Variants in MARCHF4 observed in about 807,000 individuals in gnomAD.
MARCHF4 encodes the protein E3 ubiquitin-protein ligase MARCHF4.
Under a neutral mutation model 43.9 loss-of-function variants are expected in MARCHF4, and 14 were observed. That is an observed-to-expected ratio of 0.32 (90% CI 0.21 to 0.50). The LOEUF is 0.50. MARCHF4 is among the 20% of genes least tolerant of loss of function. MARCHF4 has a pLI of 0.98. For synonymous variants in MARCHF4, 226 were observed against 213.3 expected (o/e 1.06, Z -0.52); for missense variants, 468 against 536.7 (o/e 0.87, Z 1.27).
At chr2:216,291,662 A>T (rs13033033) in intron 1 of MARCHF4, among the ~76,000 whole-genome samples, 12,565 of 152,164 alleles carry the variant, frequency 0.083, 591 homozygotes, top group Middle Eastern at 0.099. Context: ...CTTCTCACCC[A>T]CTTCAAATGT....
intron 1 of MARCHF4, among the ~76,000 whole-genome samples, chr2:216,305,886 G>A (rs986987751): frequency 2.6e-5 from 4 of 152,134 alleles, no homozygotes; most frequent in Admixed American, 6.5e-5. Context: ...GCATAAGGAC[G>A]GCACACATCT....
chr2:216,365,993 C>T (rs928454635), intron 1 of MARCHF4, among the ~76,000 whole-genome samples: 1 of 152,212 alleles, frequency 6.6e-6, no homozygotes, highest in Non-Finnish European at 1.5e-5. Context: ...AAGAAACAGT[C>T]CACATCCATG....
intron 3 of MARCHF4, among the ~76,000 whole-genome samples, chr2:216,263,831 T>C (rs1690799269): frequency 6.6e-6 from 1 of 151,994 alleles, no homozygotes; most frequent in Admixed American, 6.6e-5. Flanking sequence ...TGATGGACCA[T>C]GAAGTGCAGG....
At chr2:216,361,446 C>G (rs1158108151) in intron 1 of MARCHF4, among the ~76,000 whole-genome samples, 1 of 152,194 alleles carries the variant, frequency 6.6e-6, no homozygotes. Flanking sequence ...ACTGTTTCCT[C>G]TGCAACTTCT....
chr2:216,364,908 T>C (rs181324327), intron 1 of MARCHF4, among the ~76,000 whole-genome samples: 1 of 152,238 alleles, frequency 6.6e-6, no homozygotes, highest in African/African-American at 2.4e-5. Context: ...GAAAGGAGGA[T>C]AAAATATATT....
intron 1 of MARCHF4, among the ~76,000 whole-genome samples, chr2:216,366,483 G>C (rs538143544): frequency 1.1e-4 from 16 of 152,286 alleles, no homozygotes; most frequent in African/African-American, 3.1e-4. Flanking sequence ...GGTTCTCAAA[G>C]CAAGTGTTCA....
intron 3 of MARCHF4, among the ~76,000 whole-genome samples, chr2:216,273,450 G>T (rs1385318708): frequency 6.6e-6 from 1 of 152,148 alleles, no homozygotes; most frequent in African/African-American, 2.4e-5. Context: ...TTTATCTCAG[G>T]TGCTGAATTG....
At chr2:216,308,805 C>G (rs896784278) in intron 1 of MARCHF4, among the ~76,000 whole-genome samples, 1 of 152,242 alleles carries the variant, frequency 6.6e-6, no homozygotes, top group African/African-American at 2.4e-5. Context: ...CCATAGCCAG[C>G]TGTGAATCCT....
chr2:216,259,236 G>A lies in MARCHF4; in HGVS notation c.*76C>T, dbSNP rs547135639. The A allele has an allele frequency of 2.8e-5, 41 of 1,488,644 alleles. 1 individual carries two copies. The African/African-American group carries it at 4.1e-4, about 15-fold the overall frequency. The allele number at this position is 1,488,644 out of a possible 1,614,324, so 92.2% of individuals were successfully genotyped here. On this transcript the variant is annotated 3_prime_UTR_variant, in exon 4 of 4. Transcript: ENST00000273067. ...TCTGCCTGCTCCCTCTGTTGGCTCT[G>A]GGGGTGCCACTGCACCTCCCCACCC...
chr2:216,290,169 G>A (rs1474094590), intron 1 of MARCHF4, among the ~76,000 whole-genome samples: 3 of 152,170 alleles, frequency 2.0e-5, no homozygotes, highest in African/African-American at 4.8e-5. Context: ...GCAGGGAAAA[G>A]GGAAATGGAA....
intron 3 of MARCHF4, among the ~76,000 whole-genome samples, chr2:216,275,192 A>G (rs1179794331): frequency 2.0e-5 from 3 of 152,244 alleles, no homozygotes; most frequent in Admixed American, 6.5e-5. Context: ...AAGAAAAAGA[A>G]TTAGAGAGAT....
Position 216,304,951 on chromosome 2 carries a change from C to T in MARCHF4, c.517-21222G>A, listed in dbSNP as rs112979215. ...TCTGGGCAACACAGTGAGACTCCGT[C>T]TCAAAAAAAAAAGAAAACATTCATA... On this transcript the variant is annotated intron_variant, in intron 1 of 3. Transcript: ENST00000273067. 1.3e-3 allele frequency among the ~76,000 whole-genome samples: 203 copies of T among 151,586 alleles called. 1 individual carries two copies. The highest frequency in any genetic ancestry group is 4.7e-3 in the African/African-American group (196 of 41,402).
chr2:216,303,012 C>T (rs76329397), intron 1 of MARCHF4, among the ~76,000 whole-genome samples: 344 of 151,874 alleles, frequency 2.3e-3, no homozygotes, highest in African/African-American at 7.8e-3. Flanking sequence ...ACCTCAATTC[C>T]ATTTCTTCTC....
chr2:216,287,333 C>CG (rs1488018271), intron 1 of MARCHF4, among the ~76,000 whole-genome samples: 1 of 152,094 alleles, frequency 6.6e-6, no homozygotes, highest in Non-Finnish European at 1.5e-5. Flanking sequence ...CCAGCTACTG[C>CG]GGCTCCAGCA....
intron 1 of MARCHF4, among the ~76,000 whole-genome samples, chr2:216,331,819 AT>A (rs1280063031): frequency 1.3e-5 from 2 of 152,230 alleles, no homozygotes; most frequent in Admixed American, 1.3e-4. Context: ...CTAAAAGAGA[AT>A]TTCTAGATCT....
intron 1 of MARCHF4, among the ~76,000 whole-genome samples, chr2:216,336,066 TAAA>T (rs34216672): frequency 2.4e-3 from 146 of 60,616 alleles, no homozygotes; most frequent in African/African-American, 8.2e-3. Flanking sequence ...AGACTCTGTC[TAAA>T]AAAAAAAAAA....
At chr2:216,350,419 C>A (rs1417176866) in intron 1 of MARCHF4, among the ~76,000 whole-genome samples, 2 of 151,640 alleles carry the variant, frequency 1.3e-5, no homozygotes, top group Admixed American at 6.6e-5. Flanking sequence ...CATGCCACAC[C>A]CCCTCACTAT....
At chr2:216,269,775 T>C (rs927220854) in intron 3 of MARCHF4, among the ~76,000 whole-genome samples, 21 of 152,182 alleles carry the variant, frequency 1.4e-4, no homozygotes, top group African/African-American at 3.6e-4. Flanking sequence ...AAGTGCCAGT[T>C]CCTCAAGGTC....
chr2:216,336,009 A>C (rs1209469575), intron 1 of MARCHF4, among the ~76,000 whole-genome samples: 1 of 142,408 alleles, frequency 7.0e-6, no homozygotes, highest in Non-Finnish European at 1.5e-5. Context: ...TGGAGGTTGC[A>C]GTGAGCCGAG....
Sources: allele counts gnomAD v4.1 joint callset (sites outside exome capture counted in the v4.1 genomes callset), GRCh38; gene constraint gnomAD v4.1.1; transcripts MANE v1.5; gene names NCBI Gene and HGNC (gene_info 2026-07-23, HGNC 2026-07-21).